CNTLN: variants seen among roughly 807,000 people sequenced by gnomAD.
CNTLN encodes the protein centlein, also known as centlein, centrosomal protein.
In CNTLN, 212 loss-of-function variants were observed where a neutral mutation model predicts 180.0. The ratio of observed to expected loss-of-function variants is 1.18; its 90% CI spans 1.05 to 1.32. The LOEUF (loss-of-function observed/expected upper bound fraction) is 1.32, where lower values mean the gene tolerates loss of function less well. Ranked by LOEUF, CNTLN falls within the 40% of genes most tolerant of loss-of-function variation. The pLI is 0.00. For synonymous variants in CNTLN, 722 were observed against 563.1 expected, an observed-to-expected ratio of 1.28 and a Z score of -3.99; for missense variants, 2,095 against 1,610.9, an observed-to-expected ratio of 1.30 and a Z score of -5.14.
intron 18 of CNTLN, among the ~76,000 whole-genome samples, chr9:17,446,693 C>G (rs932551220): frequency 1.3e-5 from 2 of 152,012 alleles, no homozygotes; most frequent in Non-Finnish European, 2.9e-5. Context: ...TCTTTTGAAG[C>G]TTATGTAGGA....
At chr9:17,349,536 T>G (rs1035916766) in intron 12 of CNTLN, among the ~76,000 whole-genome samples, 1 of 152,126 alleles carries the variant, frequency 6.6e-6, no homozygotes, top group African/African-American at 2.4e-5. Context: ...GTACATCAAT[T>G]TACAAAATAT....
At position 17,394,824 on chromosome 9, in the gene CNTLN, G is replaced by A; in HGVS notation, c.2370G>A (p.Glu790=). 1.2e-6 allele frequency: 2 copies of A among 1,613,940 alleles called. No homozygotes were observed. The highest frequency in any genetic ancestry group is 1.7e-6 in the Non-Finnish European group (2 of 1,179,968). The change falls in exon 15 of 26, where the codon GAG becomes GAA. Residue 790 remains glutamate (E), a synonymous_variant. Transcript: ENST00000380647. ...EANALRNENE[E]LINPMEKSHQ... is the part of the protein sequence containing the mutation. ...ATGCATTGAGAAATGAAAATGAAGA[G>A]CTGATCAACCCAATGGAGAAATCAC... is the stretch of plus-strand genomic sequence containing the variant.
At chr9:17,485,990 G>A (rs12000330) in intron 24 of CNTLN, among the ~76,000 whole-genome samples, 5,603 of 152,162 alleles carry the variant, frequency 0.037, 343 homozygotes, top group African/African-American at 0.13. Flanking sequence ...CTGAAGACAA[G>A]AGTACACAGC....
intron 14 of CNTLN, among the ~76,000 whole-genome samples, chr9:17,390,271 G>C (rs373689620): frequency 2.0e-5 from 2 of 102,424 alleles, no homozygotes; most frequent in South Asian, 7.0e-4. Context: ...ACAGAGTCTT[G>C]CTCTGTCACC....
Position 17,484,406 on chromosome 9 carries a change from C to T in CNTLN, c.3967C>T (p.Gln1323Ter), listed in dbSNP as rs1412802543. 6.2e-7 allele frequency: 1 copy of T among 1,611,962 alleles called. No individual in the cohort carries two copies. Among genetic ancestry groups the T allele is most frequent in the South Asian group, 1.1e-5 (1 of 90,720 alleles). The change falls in exon 24 of 26, where the codon CAG (glutamine) becomes TAG (stop). Residue 1323 changes from glutamine (Q) to a stop codon, truncating the protein, a stop_gained. Coordinates refer to ENST00000380647, the MANE Select transcript of CNTLN (RefSeq NM_017738.4). LOFTEE classifies it high-confidence loss of function. ...CTGTAAAACCTCAACCCATAAAGCC[C>T]AGACCTTGGCAGCTTCTATCCTGAA... ...DACKTSTHKA[Q>*]TLAASILNIS...
At chr9:17,488,168 T>C (rs1224296184) in intron 25 of CNTLN, among the ~76,000 whole-genome samples, 1 of 152,174 alleles carries the variant, frequency 6.6e-6, no homozygotes, top group Non-Finnish European at 1.5e-5. Context: ...AAATAAATAG[T>C]ATATCAACAA....
intron 6 of CNTLN, among the ~76,000 whole-genome samples, chr9:17,293,134 C>T (rs895207363): frequency 6.6e-6 from 1 of 152,210 alleles, no homozygotes. Context: ...AAGATGGCTG[C>T]CTGCTACTTC....
intron 2 of CNTLN, among the ~76,000 whole-genome samples, chr9:17,212,572 A>G (rs1823403250): frequency 6.6e-6 from 1 of 152,112 alleles, no homozygotes; most frequent in African/African-American, 2.4e-5. Flanking sequence ...GGCCTCATAG[A>G]ATGAGTTAGG....
chr9:17,464,589 G>A lies in CNTLN; in HGVS notation c.3497G>A (p.Ser1166Asn). The A allele has an allele frequency of 6.7e-7, 1 of 1,492,252 alleles. No individual in the cohort carries two copies. Among genetic ancestry groups the A allele is most frequent in the Admixed American group, 2.5e-5 (1 of 39,286 alleles). The allele number at this position is 1,492,252 out of a possible 1,614,324, so 92.4% of individuals were successfully genotyped here. The change falls in exon 21 of 26, where the codon AGT (serine) becomes AAT (asparagine). Residue 1166 changes from serine (S) to asparagine (N), a missense_variant. Transcript: ENST00000380647. Reference sequence around the variant, plus strand: ...AAAGTAAATTTGGAAAGTAACAAGAGTTTTAGTGAAATGTTACAAAATCTT... The same window carrying A: ...AAAGTAAATTTGGAAAGTAACAAGAATTTTAGTGAAATGTTACAAAATCTT... ...RQKVNLESNKSFSEMLQNLDK... is the reference protein window; with the variant it reads ...RQKVNLESNKNFSEMLQNLDK...
At chr9:17,466,605 G>A (rs1831764661) in intron 22 of CNTLN, 101 bp from the exon 23 acceptor site, 1 of 898,180 alleles carries the variant, frequency 1.1e-6, no homozygotes, top group Middle Eastern at 3.0e-4. Context: ...TAAATACATA[G>A]AGAGAATAAT....
chr9:17,279,554 T>C (rs142058433), intron 6 of CNTLN, among the ~76,000 whole-genome samples: 261 of 152,278 alleles, frequency 1.7e-3, no homozygotes, highest in African/African-American at 6.0e-3. Flanking sequence ...ATGCTCCAGT[T>C]TGGTTCTTAG....
chr9:17,446,237 G>T (rs890524961), intron 18 of CNTLN, among the ~76,000 whole-genome samples: 8 of 151,988 alleles, frequency 5.3e-5, no homozygotes, highest in Non-Finnish European at 1.2e-4. Flanking sequence ...TTCTTTCTCT[G>T]TACTTTGTCT....
intron 13 of CNTLN, among the ~76,000 whole-genome samples, chr9:17,386,611 C>G (rs990991299): frequency 1.3e-5 from 2 of 152,088 alleles, no homozygotes; most frequent in Non-Finnish European, 2.9e-5. Context: ...CTTGAGCGTT[C>G]TGTATAAACC....
At chr9:17,335,356 A>G (rs1466590152) in intron 10 of CNTLN, among the ~76,000 whole-genome samples, 1 of 152,092 alleles carries the variant, frequency 6.6e-6, no homozygotes, top group East Asian at 1.9e-4. Context: ...GTCTCTACTA[A>G]AAATACAAAA....
intron 18 of CNTLN, among the ~76,000 whole-genome samples, chr9:17,439,099 A>G (rs2134027992): frequency 6.6e-6 from 1 of 152,322 alleles, no homozygotes; most frequent in East Asian, 1.9e-4. Flanking sequence ...CATACATTTT[A>G]GAGTTATTTT....
intron 10 of CNTLN, among the ~76,000 whole-genome samples, chr9:17,335,055 A>C (rs1168948584): frequency 2.0e-5 from 3 of 152,352 alleles, no homozygotes; most frequent in Non-Finnish European, 4.4e-5. Context: ...AGGCAAGAGA[A>C]GACTAATGTC....
At chr9:17,178,517 C>T (rs942058684) in intron 2 of CNTLN, among the ~76,000 whole-genome samples, 4 of 151,864 alleles carry the variant, frequency 2.6e-5, no homozygotes, top group Non-Finnish European at 4.4e-5. Context: ...AGGGCGGGGG[C>T]GGGGGGTGCA....
chr9:17,507,461 T>TAC (rs1564161176), downstream of CNTLN, among the ~76,000 whole-genome samples: 25 of 152,242 alleles, frequency 1.6e-4, no homozygotes, highest in African/African-American at 5.8e-4. Flanking sequence ...CATACAAAAG[T>TAC]AGATATCATT....
chr9:17,389,586 TA>T (rs35002638), intron 14 of CNTLN, among the ~76,000 whole-genome samples: 124,091 of 151,902 alleles, frequency 0.82, 51,179 homozygotes, highest in Non-Finnish European at 0.87. Flanking sequence ...TACTATTTTT[TA>T]TATTTACCTA....
Sources: gnomAD v4.1 joint callset for allele counts (sites outside exome capture counted in the v4.1 genomes callset) on GRCh38, gnomAD v4.1.1 for gene constraint, MANE v1.5 for transcripts, NCBI Gene and HGNC (gene_info 2026-07-23, HGNC 2026-07-21) for gene names.